NHS: variants seen among roughly 807,000 people sequenced by gnomAD.
The protein encoded by NHS is actin remodeling regulator NHS.
Under a neutral mutation model 72.5 loss-of-function variants are expected in NHS, and 5 were observed. The ratio of observed to expected loss-of-function variants is 0.07; its 90% CI spans 0.04 to 0.14. The LOEUF is 0.14. NHS is among the 10% of genes least tolerant of loss of function. The probability of loss-of-function intolerance (pLI) is 1.00; values close to 1 mark genes in which losing one functional copy is unlikely to be tolerated. For missense variants in NHS, 1,072 were observed against 1,355.7 expected, an observed-to-expected ratio of 0.79 and a Z score of 3.29; for synonymous variants, 464 against 547.7, an observed-to-expected ratio of 0.85 and a Z score of 2.13.
intron 1 of NHS, among the ~76,000 whole-genome samples, chrX:17,650,577 A>G (rs1417446580): frequency 2.7e-5 from 3 of 112,299 alleles, no homozygotes; most frequent in Admixed American, 9.4e-5. Flanking sequence ...ATCCCACCTC[A>G]TGATGGGAAA....
At chrX:17,589,624 G>A (rs914009835) in intron 1 of NHS, among the ~76,000 whole-genome samples, 14 of 109,297 alleles carry the variant, frequency 1.3e-4, no homozygotes, top group African/African-American at 4.1e-4. Context: ...TTGCAATTGC[G>A]AATTGTGCTG....
intron 1 of NHS, among the ~76,000 whole-genome samples, chrX:17,654,861 C>T (rs1266668605): frequency 3.6e-5 from 4 of 112,645 alleles, no homozygotes; most frequent in Non-Finnish European, 7.5e-5. Flanking sequence ...TGGCTCTCTG[C>T]CTTCTGCATT....
chrX:17,375,539 G>T lies in NHS; in HGVS notation c.-219G>T. ...TGCGGAGCGCTTGTCATCCTCCCCAGGGAACGGTGCACCCAAAGGAGGACT... is the reference window on the plus strand; with the variant it reads ...TGCGGAGCGCTTGTCATCCTCCCCATGGAACGGTGCACCCAAAGGAGGACT... On this transcript the variant is annotated 5_prime_UTR_variant, in exon 1 of 9. The change creates a new upstream start codon in the 5' untranslated region. Coordinates refer to ENST00000676302, the MANE Select transcript of NHS (RefSeq NM_001291867.2). 1 of 422,156 alleles carries T rather than the reference G, an allele frequency of 2.4e-6. No individual in the cohort carries two copies. Among genetic ancestry groups the T allele is most frequent in the South Asian group, 3.8e-5 (1 of 26,504 alleles). 34.8% of individuals were successfully genotyped at this position (422,156 alleles called of 1,213,427 possible).
In NHS at chrX:17,726,069, C is replaced by T; in HGVS notation, c.1963C>T (p.Pro655Ser). 2 of 1,211,991 alleles carry T rather than the reference C, an allele frequency of 1.7e-6. No individual in the cohort carries two copies. The highest frequency in any genetic ancestry group is 1.1e-6 in the Non-Finnish European group (1 of 895,561). Residue 655 changes from proline (P) to serine (S), a missense_variant, in exon 7 of 9, where the codon CCT (proline) becomes TCT (serine). Transcript: ENST00000676302. ...TSETIPPAAS[P>S]PLTGSSHCDS... Reference sequence around the variant, plus strand: ...AGAAACCATCCCTCCTGCAGCTTCTCCTCCACTCACTGGCTCTTCACACTG... The same window carrying T: ...AGAAACCATCCCTCCTGCAGCTTCTTCTCCACTCACTGGCTCTTCACACTG...
At position 17,727,651 on chromosome X, in the gene NHS, C is replaced by T. The variant is rs145977627; in HGVS notation, c.3545C>T (p.Pro1182Leu). 5.2e-4 allele frequency: 623 copies of T among 1,209,650 alleles called. 3 individuals are homozygous for T. In the East Asian group the frequency reaches 5.5e-3, roughly 11 times the overall value. The change falls in exon 7 of 9, where the codon CCG becomes CTG. Residue 1182 changes from proline to leucine, a missense_variant. Pro to Leu is a moderately conservative substitution (Grantham distance 98). Coordinates refer to ENST00000676302, the MANE Select transcript of NHS (RefSeq NM_001291867.2). ...TAALSPSKIR[P>L]HTANKSVSRQ... ...GCCTTGTCTCCAAGTAAGATTAGGCCGCATACAGCAAATAAATCAGTATCT... is the reference window on the plus strand; with the variant it reads ...GCCTTGTCTCCAAGTAAGATTAGGCTGCATACAGCAAATAAATCAGTATCT...
chrX:17,462,301 G>A (rs1293111074), intron 1 of NHS, among the ~76,000 whole-genome samples: 1 of 111,384 alleles, frequency 9.0e-6, no homozygotes, highest in Non-Finnish European at 1.9e-5. Flanking sequence ...TCAGAGGAAT[G>A]ACTTGTAGCT....
chrX:17,554,956 C>T (rs905476208), intron 1 of NHS, among the ~76,000 whole-genome samples: 2 of 110,603 alleles, frequency 1.8e-5, no homozygotes, highest in African/African-American at 6.6e-5. Flanking sequence ...CCCATCAACC[C>T]GTCATCTACG....
intron 1 of NHS, among the ~76,000 whole-genome samples, chrX:17,525,185 G>A (rs1368685052): frequency 8.9e-6 from 1 of 112,291 alleles, no homozygotes; most frequent in Non-Finnish European, 1.9e-5. Context: ...CAAAAAAATG[G>A]TAGGATGTTG....
intron 1 of NHS, among the ~76,000 whole-genome samples, chrX:17,560,123 G>C (rs2065404710): frequency 8.9e-6 from 1 of 111,865 alleles, no homozygotes; most frequent in South Asian, 3.7e-4. Context: ...CATTTTGAAG[G>C]CCGCTTGTTT....
At chrX:17,698,690 A>G in intron 3 of NHS, among the ~76,000 whole-genome samples, 1 of 111,855 alleles carries the variant, frequency 8.9e-6, no homozygotes, top group Non-Finnish European at 1.9e-5. Context: ...ACTAAATTCA[A>G]CATTAGCAAA....
intron 1 of NHS, among the ~76,000 whole-genome samples, chrX:17,507,570 G>T (rs2065064898): frequency 1.8e-5 from 2 of 112,173 alleles, no homozygotes; most frequent in African/African-American, 6.5e-5. Context: ...GCCAGAAAAG[G>T]TTTTCCCTTT....
In NHS at chrX:17,496,929, G is replaced by A. The variant is rs2065015445; in HGVS notation, c.565+120607G>A. Among the ~76,000 whole-genome samples, 5 of 111,865 alleles carry A rather than the reference G, an allele frequency of 4.5e-5. 1 individual carries two copies. The South Asian group carries it at 1.9e-3, about 41-fold the overall frequency. ...ATGTAGATAATTGGAGATATCTGATGCCCTTAAACTAAAATGGGAAAACCC... is the reference window on the plus strand; with the variant it reads ...ATGTAGATAATTGGAGATATCTGATACCCTTAAACTAAAATGGGAAAACCC... On this transcript the variant is annotated intron_variant, in intron 1 of 8. Coordinates refer to ENST00000676302, the MANE Select transcript of NHS (RefSeq NM_001291867.2).
rs763350336 is a variant in NHS at position 17,529,322 on chromosome X, C to G, written c.565+153000C>G. Among the ~76,000 whole-genome samples, 5 of 111,979 alleles carry G rather than the reference C, an allele frequency of 4.5e-5. No individual in the cohort carries two copies. In the East Asian group the frequency reaches 1.4e-3, roughly 31 times the overall value. ...GATGCCTTTATTATGTGTCAAGGAG[C>G]TAAAAATTGCTAGTAAGATGTCAGT... is the stretch of plus-strand genomic sequence containing the variant. On this transcript the variant is annotated intron_variant, in intron 1 of 8. Transcript: ENST00000676302.
chrX:17,464,876 C>T (rs774815386), intron 1 of NHS, among the ~76,000 whole-genome samples: 131 of 112,156 alleles, frequency 1.2e-3, no homozygotes, highest in Non-Finnish European at 1.9e-3. Flanking sequence ...GTCATGGTAG[C>T]GGTGCATCTG....
At chrX:17,702,962 C>G (rs982354630) in intron 3 of NHS, among the ~76,000 whole-genome samples, 12 of 110,760 alleles carry the variant, frequency 1.1e-4, no homozygotes, top group African/African-American at 3.6e-4. Context: ...ATTCTTTAGC[C>G]ATTCCCTTCC....
At chrX:17,521,366 C>CTTTTTTTTTT (rs766662277) in intron 1 of NHS, among the ~76,000 whole-genome samples, 5 of 97,370 alleles carry the variant, frequency 5.1e-5, no homozygotes, top group African/African-American at 2.2e-4. Flanking sequence ...TCCCTTCCCT[C>CTTTTTTTTTT]TTTTTTTTTT....
chrX:17,615,499 C>T (rs1228144729), intron 1 of NHS, among the ~76,000 whole-genome samples: 2 of 107,597 alleles, frequency 1.9e-5, no homozygotes, highest in South Asian at 4.2e-4. Flanking sequence ...CCTCCTACCT[C>T]GGCCTCCCAA....
At chrX:17,383,077 T>G (rs1256344604) in intron 1 of NHS, among the ~76,000 whole-genome samples, 2 of 112,064 alleles carry the variant, frequency 1.8e-5, no homozygotes, top group Non-Finnish European at 3.8e-5. Flanking sequence ...TTACCCACAG[T>G]GATGACTTAT....
chrX:17,718,056 T>C (rs2066375069), intron 3 of NHS, among the ~76,000 whole-genome samples: 1 of 111,401 alleles, frequency 9.0e-6, no homozygotes, highest in South Asian at 3.8e-4. Context: ...TAGCTGGCAC[T>C]AATGTACAGC....
Sources: gnomAD v4.1 joint callset for allele counts (sites outside exome capture counted in the v4.1 genomes callset) on GRCh38, gnomAD v4.1.1 for gene constraint, MANE v1.5 for transcripts, NCBI Gene and HGNC (gene_info 2026-07-23, HGNC 2026-07-21) for gene names.